TMEM272: variants seen among roughly 807,000 people sequenced by gnomAD.
TMEM272 encodes the protein transmembrane protein 272.
A neutral mutation model predicts 3.7 loss-of-function variants in TMEM272; 8 were observed. The observed-to-expected ratio is 2.17, with a 90% CI of 1.27 to 3.91. The LOEUF (loss-of-function observed/expected upper bound fraction) is 3.91, where lower values mean the gene tolerates loss of function less well. TMEM272 is among the 30% of genes most tolerant of loss of function. The probability of loss-of-function intolerance (pLI) is 0.00; values close to 1 mark genes in which losing one functional copy is unlikely to be tolerated. For synonymous variants in TMEM272, 63 were observed against 39.8 expected, an observed-to-expected ratio of 1.58 and a Z score of -2.20; for missense variants, 166 against 91.5, an observed-to-expected ratio of 1.81 and a Z score of -3.32.
rs1956017745 is a variant in TMEM272 at position 51,815,859 on chromosome 13, TG to T, written c.*891del. ...TCCAAAGCCTAACTGGTCATTAGGT[TG>T]AGGAGCTATTATTCGATATTTAAGC... On this transcript the variant is annotated 3_prime_UTR_variant, in exon 5 of 5. Transcript: ENST00000629372. 1 of 152,226 alleles carries T rather than the reference TG, an allele frequency of 6.6e-6. No individual in the cohort carries two copies. Among genetic ancestry groups the T allele is most frequent in the African/African-American group, 2.4e-5 (1 of 41,452 alleles). 9.4% of individuals were successfully genotyped at this position (152,226 alleles called of 1,614,324 possible). A position where few individuals can be genotyped will look rare whatever the true frequency, so the allele number is the denominator to read the frequency against.
At chr13:51,926,109 T>A in the TMEM272 span, among the ~76,000 whole-genome samples, 1 of 151,704 alleles carries the variant, frequency 6.6e-6, no homozygotes, top group African/African-American at 2.4e-5. Flanking sequence ...GTGTGTGGTG[T>A]GTGTGTGTGG....
At chr13:51,915,410 G>A in the TMEM272 span, among the ~76,000 whole-genome samples, 1 of 152,226 alleles carries the variant, frequency 6.6e-6, no homozygotes, top group Non-Finnish European at 1.5e-5. Context: ...TGCATGATGT[G>A]CTTAAAAGTA....
the TMEM272 span, among the ~76,000 whole-genome samples, chr13:51,917,770 C>T: frequency 6.9e-4 from 105 of 152,308 alleles, no homozygotes; most frequent in African/African-American, 2.5e-3. Flanking sequence ...ACAAAAGTGC[C>T]TGCAGCAGCT....
At chr13:51,890,563 C>G in the TMEM272 span, among the ~76,000 whole-genome samples, 1 of 152,216 alleles carries the variant, frequency 6.6e-6, no homozygotes, top group African/African-American at 2.4e-5. Flanking sequence ...AAATAAACCT[C>G]TTTTCCTTAT....
chr13:51,831,995 T>C (rs1337657791), intron 2 of TMEM272, among the ~76,000 whole-genome samples: 3 of 152,186 alleles, frequency 2.0e-5, no homozygotes, highest in African/African-American at 7.2e-5. Context: ...GATATTAGAA[T>C]CAAAACGTTG....
the TMEM272 span, among the ~76,000 whole-genome samples, chr13:51,858,546 A>G: frequency 6.6e-6 from 1 of 152,238 alleles, no homozygotes; most frequent in East Asian, 1.9e-4. Flanking sequence ...AAATATTTTA[A>G]CTGAATGGTA....
the TMEM272 span, among the ~76,000 whole-genome samples, chr13:51,898,231 A>AAATG: frequency 2.0e-5 from 3 of 150,898 alleles, no homozygotes; most frequent in African/African-American, 7.3e-5. Flanking sequence ...ATAAATAAAT[A>AAATG]AATAAATAAA....
At chr13:51,908,370 C>A in the TMEM272 span, 19 of 1,495,266 alleles carry the variant, frequency 1.3e-5, no homozygotes, top group Non-Finnish European at 1.5e-5. Context: ...CCTCGGTGGA[C>A]AGACATTTCT....
At chr13:51,857,675 T>C in the TMEM272 span, among the ~76,000 whole-genome samples, 101 of 152,096 alleles carry the variant, frequency 6.6e-4, no homozygotes, top group African/African-American at 2.4e-3. Flanking sequence ...ATAATAAAAT[T>C]ATTTAATTAA....
At chr13:51,869,614 T>C in the TMEM272 span, among the ~76,000 whole-genome samples, 6 of 151,852 alleles carry the variant, frequency 4.0e-5, no homozygotes, top group African/African-American at 7.3e-5. Flanking sequence ...CTCAGCCTCC[T>C]GAGTAGCTGG....
chr13:51,927,314 G>A, the TMEM272 span, among the ~76,000 whole-genome samples: 10 of 152,154 alleles, frequency 6.6e-5, no homozygotes, highest in East Asian at 5.8e-4. Flanking sequence ...ACGATGCCAC[G>A]GCCCACTCGC....
chr13:51,833,599 G>A (rs552462011), intron 2 of TMEM272, among the ~76,000 whole-genome samples: 12 of 152,094 alleles, frequency 7.9e-5, no homozygotes, highest in Non-Finnish European at 5.9e-5. Context: ...GAATGGTGGA[G>A]GCACTGACGG....
chr13:51,910,646 G>A, the TMEM272 span: 5 of 513,060 alleles, frequency 9.7e-6, no homozygotes, highest in Admixed American at 9.1e-5. Context: ...TCTGGCAGTG[G>A]CCAAAGTAAC....
chr13:51,926,000 G>A, the TMEM272 span, among the ~76,000 whole-genome samples: 2 of 152,062 alleles, frequency 1.3e-5, no homozygotes, highest in East Asian at 3.8e-4. Context: ...TGTGTATGTG[G>A]TATGTGTGGC....
At chr13:51,871,064 G>C in the TMEM272 span, among the ~76,000 whole-genome samples, 1 of 151,838 alleles carries the variant, frequency 6.6e-6, no homozygotes, top group Non-Finnish European at 1.5e-5. Context: ...CACCATAGGA[G>C]CCAACCTCCC....
At chr13:51,897,897 A>G in the TMEM272 span, among the ~76,000 whole-genome samples, 5 of 115,024 alleles carry the variant, frequency 4.3e-5, no homozygotes, top group African/African-American at 1.7e-4. Context: ...ATTGCACTAC[A>G]GCCTGGGTGA....
chr13:51,885,362 T>G, the TMEM272 span, among the ~76,000 whole-genome samples: 1 of 152,194 alleles, frequency 6.6e-6, no homozygotes, highest in East Asian at 1.9e-4. Flanking sequence ...TCAGGAAATT[T>G]ACAATCATGG....
chr13:51,843,939 C>G (rs1956282135), intron 1 of TMEM272, among the ~76,000 whole-genome samples: 1 of 152,148 alleles, frequency 6.6e-6, no homozygotes, highest in Non-Finnish European at 1.5e-5. Flanking sequence ...GTGATCTGAT[C>G]CCCAAGGCAC....
the TMEM272 span, among the ~76,000 whole-genome samples, chr13:51,895,877 G>C: frequency 6.6e-6 from 1 of 152,082 alleles, no homozygotes; most frequent in Non-Finnish European, 1.5e-5. Context: ...CAACCCCTGA[G>C]ACTCAGGATG....
Sources: gnomAD v4.1 joint callset for allele counts (sites outside exome capture counted in the v4.1 genomes callset) on GRCh38, gnomAD v4.1.1 for gene constraint, MANE v1.5 for transcripts, NCBI Gene and HGNC (gene_info 2026-07-23, HGNC 2026-07-21) for gene names.